AUTS2: variants seen among roughly 807,000 people sequenced by gnomAD.
AUTS2 encodes activator of transcription and developmental regulator AUTS2.
Under a neutral mutation model 112.4 loss-of-function variants are expected in AUTS2, and 17 were observed. That is an observed-to-expected ratio of 0.15 (90% CI 0.10 to 0.23). The LOEUF is 0.23. Ranked by LOEUF, AUTS2 falls within the 10% of genes least tolerant of loss-of-function variation. AUTS2 has a pLI of 1.00. For missense variants in AUTS2, 1,510 were observed against 1,701.6 expected (o/e 0.89, Z 1.98); for synonymous variants, 751 against 702.7 (o/e 1.07, Z -1.09).
chr7:70,769,395 A>G (rs1192527050), intron 10 of AUTS2, among the ~76,000 whole-genome samples: 2 of 152,124 alleles, frequency 1.3e-5, no homozygotes, highest in African/African-American at 4.8e-5. Flanking sequence ...CAGCTAACAA[A>G]ATAATTCAGG....
chr7:70,123,382 T>C (rs745766708), intron 3 of AUTS2, among the ~76,000 whole-genome samples: 5 of 152,166 alleles, frequency 3.3e-5, no homozygotes, highest in Non-Finnish European at 5.9e-5. Flanking sequence ...CACAGAGGTT[T>C]GTTGTGACAT....
intron 4 of AUTS2, among the ~76,000 whole-genome samples, chr7:70,408,392 T>C (rs1794632997): frequency 6.6e-6 from 1 of 151,536 alleles, no homozygotes; most frequent in Non-Finnish European, 1.5e-5. Flanking sequence ...CATTCAAGAG[T>C]GGTGGAGAAT....
intron 1 of AUTS2, among the ~76,000 whole-genome samples, chr7:69,624,101 G>A (rs1286163320): frequency 6.6e-6 from 1 of 152,160 alleles, no homozygotes; most frequent in Non-Finnish European, 1.5e-5. Context: ...GCCAGTTCTT[G>A]ACAGTGACTG....
intron 4 of AUTS2, among the ~76,000 whole-genome samples, chr7:70,178,805 A>T (rs1809143324): frequency 6.6e-6 from 1 of 152,108 alleles, no homozygotes; most frequent in African/African-American, 2.4e-5. Flanking sequence ...TAAAAAAAAA[A>T]ATGTAGGTCT....
intron 1 of AUTS2, among the ~76,000 whole-genome samples, chr7:69,694,988 G>A (rs746194555): frequency 1.3e-5 from 2 of 152,104 alleles, no homozygotes; most frequent in Non-Finnish European, 2.9e-5. Flanking sequence ...GGGAGAGAAC[G>A]TGGTAACCTA....
At chr7:70,765,569 T>C (rs1056740738) in intron 8 of AUTS2, among the ~76,000 whole-genome samples, 1 of 152,186 alleles carries the variant, frequency 6.6e-6, no homozygotes, top group Non-Finnish European at 1.5e-5. Flanking sequence ...TTTGGTCCAG[T>C]GTAGCCATGT....
rs184769133 is a variant in AUTS2, at chr7:70,184,189, G to A, written c.660+49618G>A. ...GACAGTCATCTTTTTGCTGGAGAACGTATTAAAATAAGTATAATTATGGTG... is the reference window on the plus strand; with the variant it reads ...GACAGTCATCTTTTTGCTGGAGAACATATTAAAATAAGTATAATTATGGTG... On this transcript the variant is annotated intron_variant, in intron 4 of 18. Coordinates refer to ENST00000342771, the MANE Select transcript of AUTS2 (RefSeq NM_015570.4). Among the ~76,000 whole-genome samples the A allele has an allele frequency of 3.5e-4, 54 of 152,196 alleles. No individual in the cohort carries two copies. In the South Asian group the frequency reaches 6.2e-3, roughly 18 times the overall value.
At chr7:70,767,831 T>TTTAA (rs1790035512) in intron 9 of AUTS2, among the ~76,000 whole-genome samples, 193 bp from the exon 10 acceptor site, 1 of 152,164 alleles carries the variant, frequency 6.6e-6, no homozygotes, top group African/African-American at 2.4e-5. Flanking sequence ...CCACTTGGTT[T>TTTAA]TTAATTTTGT....
At chr7:70,527,667 T>C (rs1247169324) in intron 5 of AUTS2, among the ~76,000 whole-genome samples, 1 of 152,170 alleles carries the variant, frequency 6.6e-6, no homozygotes, top group Non-Finnish European at 1.5e-5. Flanking sequence ...TCTACATAAA[T>C]AGCACTAAAT....
At chr7:70,400,313 G>A (rs1045126983) in intron 4 of AUTS2, among the ~76,000 whole-genome samples, 1 of 152,090 alleles carries the variant, frequency 6.6e-6, no homozygotes, top group East Asian at 1.9e-4. Flanking sequence ...CAGAGTTGTA[G>A]GTATGCCTTG....
rs141766574 is a variant in AUTS2, at chr7:70,744,732, G to T, written c.743-18138G>T. ...TCATTTTGCTTCTGACAGTGTCTTT[G>T]TGTCTTTGTACAGTTGGAGGACCTG... On this transcript the variant is annotated intron_variant, in intron 6 of 18. Transcript: ENST00000342771. Among the ~76,000 whole-genome samples, 112 of 152,304 alleles carry T rather than the reference G, an allele frequency of 7.4e-4. 2 individuals are homozygous for T. In the East Asian group the frequency reaches 0.02, roughly 27 times the overall value.
chr7:70,009,879 CCTTT>C (rs1799718907), intron 2 of AUTS2, among the ~76,000 whole-genome samples: 1 of 152,102 alleles, frequency 6.6e-6, no homozygotes, highest in Admixed American at 6.5e-5. Context: ...TGAGTTCCAT[CCTTT>C]CTTTTTTTAA....
In AUTS2 at chr7:70,248,695, C is replaced by A. The variant is rs74656892; in HGVS notation, c.660+114124C>A. 6.3e-3 allele frequency among the ~76,000 whole-genome samples: 953 copies of A among 152,058 alleles called. 11 individuals carry two copies. Among genetic ancestry groups the A allele is most frequent in the African/African-American group, 0.021 (887 of 41,498 alleles). On this transcript the variant is annotated intron_variant, in intron 4 of 18. Coordinates refer to ENST00000342771, the MANE Select transcript of AUTS2 (RefSeq NM_015570.4). ...CTTCTTACTTCATTTTTTTCTTCTG[C>A]AATTTCAGAAATTCTGTAAACCATT...
At chr7:70,161,675 C>G (rs1430438750) in intron 4 of AUTS2, among the ~76,000 whole-genome samples, 2 of 151,106 alleles carry the variant, frequency 1.3e-5, no homozygotes, top group African/African-American at 2.4e-5. Context: ...TATTTTGTAC[C>G]ACCAGTGCAT....
At chr7:70,680,638 T>A (rs1299389139) in intron 5 of AUTS2, among the ~76,000 whole-genome samples, 1 of 152,130 alleles carries the variant, frequency 6.6e-6, no homozygotes, top group African/African-American at 2.4e-5. Context: ...TGAGCACTGG[T>A]AACAGAAAGA....
chr7:70,479,616 A>G (rs1178027273), intron 5 of AUTS2, among the ~76,000 whole-genome samples: 3 of 144,902 alleles, frequency 2.1e-5, no homozygotes, highest in Non-Finnish European at 3.0e-5. Flanking sequence ...CTTTTGCCAT[A>G]TATAATATCA....
rs956504725 is a variant in AUTS2 at position 70,410,709 on chromosome 7, C to T, written c.661-25043C>T. ...GTGCCAGGATTACAAGCGTGAGCCA[C>T]TGCGCCTGGCTGGGTTTACCTTTTT... On this transcript the variant is annotated intron_variant, in intron 4 of 18. Transcript: ENST00000342771. Among the ~76,000 whole-genome samples the T allele has an allele frequency of 5.3e-5, 8 of 152,148 alleles. No individual in the cohort carries two copies. In the South Asian group the frequency reaches 1.7e-3, roughly 32 times the overall value.
chr7:70,486,909 A>C (rs71549354), intron 5 of AUTS2, among the ~76,000 whole-genome samples: 489 of 27,638 alleles, frequency 0.018, 4 homozygotes, highest in African/African-American at 0.033. Context: ...CCCCCCCCCC[A>C]AAAAAAAAGA....
At chr7:69,710,846 T>A (rs1198375402) in intron 1 of AUTS2, among the ~76,000 whole-genome samples, 2 of 152,200 alleles carry the variant, frequency 1.3e-5, no homozygotes, top group South Asian at 4.1e-4. Flanking sequence ...CTGAACTGTA[T>A]TTCATTTAGG....
Sources: allele counts gnomAD v4.1 joint callset (sites outside exome capture counted in the v4.1 genomes callset), GRCh38; gene constraint gnomAD v4.1.1; transcripts MANE v1.5; gene names NCBI Gene and HGNC (gene_info 2026-07-23, HGNC 2026-07-21).